The following CSRNP3 variants were observed in gnomAD, a reference collection of about 807,000 sequenced individuals.
CSRNP3 encodes the protein cysteine and serine rich nuclear protein 3, also known as cysteine/serine-rich nuclear protein 3.
CSRNP3 carries 12 observed loss-of-function variants against 48.0 expected under a neutral mutation model. The ratio of observed to expected loss-of-function variants is 0.25; its 90% CI spans 0.16 to 0.41. CSRNP3 has a LOEUF of 0.41. Among genes scored for constraint, CSRNP3 ranks in the 10% least tolerant of loss-of-function variants. The pLI, the probability that CSRNP3 is intolerant of heterozygous loss-of-function variation, is 1.00. For synonymous variants in CSRNP3, 263 were observed against 269.7 expected, an observed-to-expected ratio of 0.98 and a Z score of 0.24; for missense variants, 580 against 724.4, an observed-to-expected ratio of 0.80 and a Z score of 2.29.
rs1181818537 is a variant in CSRNP3 at position 165,664,801 on chromosome 2, G to A, written c.408+6781G>A. Among the ~76,000 whole-genome samples, 7 of 151,390 alleles carry A rather than the reference G, an allele frequency of 4.6e-5. No homozygotes were observed. In the South Asian group the frequency reaches 1.0e-3, roughly 23 times the overall value. ...AAGGATATAGTGGCTTTTGGACTGT[G>A]ATCAATTTTTTTTTGTTCTTAGTAA... On this transcript the variant is annotated intron_variant, in intron 5 of 6. Transcript: ENST00000651982.
Position 165,551,249 on chromosome 2 carries a change from A to G in CSRNP3, c.-24+33288A>G, listed in dbSNP as rs1685092248. On this transcript the variant is annotated intron_variant, in intron 3 of 6. Transcript: ENST00000651982. ...TGACATACTGTCACGTGTTCTCCCA[A>G]CCCCAATATGAGCTCTATAAAACAA... Among the ~76,000 whole-genome samples, 4 of 152,106 alleles carry G rather than the reference A, an allele frequency of 2.6e-5. No individual in the cohort carries two copies. In the South Asian group the frequency reaches 8.3e-4, roughly 32 times the overall value.
intron 3 of CSRNP3, among the ~76,000 whole-genome samples, chr2:165,549,519 C>T (rs892862191): frequency 6.6e-6 from 1 of 152,032 alleles, no homozygotes; most frequent in Admixed American, 6.6e-5. Context: ...TTACCCAACC[C>T]TATTTAAGCC....
chr2:165,609,710 T>C (rs1287280390), intron 4 of CSRNP3, among the ~76,000 whole-genome samples: 1 of 152,196 alleles, frequency 6.6e-6, no homozygotes, highest in Non-Finnish European at 1.5e-5. Context: ...GTACATTTTA[T>C]TAATAGTTAT....
At chr2:165,556,254 A>C (rs1685159046) in intron 3 of CSRNP3, among the ~76,000 whole-genome samples, 1 of 152,162 alleles carries the variant, frequency 6.6e-6, no homozygotes, top group Admixed American at 6.6e-5. Flanking sequence ...GTGTTATTGG[A>C]CTAAGATAGG....
chr2:165,496,436 A>G (rs1179614399), intron 2 of CSRNP3, among the ~76,000 whole-genome samples: 1 of 152,070 alleles, frequency 6.6e-6, no homozygotes, highest in African/African-American at 2.4e-5. Flanking sequence ...CTAGAAGAGT[A>G]CTGAGCACTG....
chr2:165,612,175 GCCAA>G (rs575551066), intron 4 of CSRNP3, among the ~76,000 whole-genome samples: 87 of 152,094 alleles, frequency 5.7e-4, no homozygotes, highest in African/African-American at 2.0e-3. Context: ...ATTCTTGGAA[GCCAA>G]TTAATTCTCT....
rs1168351559 is a variant in CSRNP3, at chr2:165,668,738, CT to C, written c.409-7572del. On this transcript the variant is annotated intron_variant, in intron 5 of 6. Coordinates refer to ENST00000651982, the MANE Select transcript of CSRNP3 (RefSeq NM_001172173.2). ...TCTGAGTGAGCTATTTCTAGGGAAG[CT>C]TATTCTGCTCTTTTATCTCTTGCCC... Among the ~76,000 whole-genome samples, 5 of 152,204 alleles carry C rather than the reference CT, an allele frequency of 3.3e-5. No individual in the cohort carries two copies. In the South Asian group the frequency reaches 8.3e-4, roughly 25 times the overall value.
chr2:165,625,399 G>A lies in CSRNP3; in HGVS notation c.148+30186G>A, dbSNP rs574088341. Among the ~76,000 whole-genome samples the A allele has an allele frequency of 4.0e-4, 61 of 151,808 alleles. 1 individual carries two copies. The South Asian group carries it at 0.011, about 29-fold the overall frequency. ...CCCAGCACTTTGGGAGGCCAAGGTG[G>A]GTGGATCATCTGAGGTCAGGAGTTC... On this transcript the variant is annotated intron_variant, in intron 4 of 6. Coordinates refer to ENST00000651982, the MANE Select transcript of CSRNP3 (RefSeq NM_001172173.2).
intron 4 of CSRNP3, among the ~76,000 whole-genome samples, chr2:165,606,814 T>G (rs1359048974): frequency 6.6e-6 from 1 of 152,110 alleles, no homozygotes; most frequent in East Asian, 1.9e-4. Flanking sequence ...TTTATGTAAT[T>G]AAAACACACA....
chr2:165,642,615 T>C (rs576625711), intron 4 of CSRNP3, among the ~76,000 whole-genome samples: 1 of 151,284 alleles, frequency 6.6e-6, no homozygotes, highest in African/African-American at 2.4e-5. Context: ...CAGGCTGGAG[T>C]GCAATGGTGT....
chr2:165,677,896 G>A (rs532445725), intron 6 of CSRNP3, among the ~76,000 whole-genome samples: 3 of 152,128 alleles, frequency 2.0e-5, no homozygotes, highest in Admixed American at 1.3e-4. Context: ...CTCTATCTTC[G>A]GTATCCAATC....
chr2:165,595,080 A>C lies in CSRNP3; in HGVS notation c.15A>C (p.Leu5Phe). 6.2e-7 allele frequency: 1 copy of C among 1,614,070 alleles called. No individual in the cohort carries two copies. The highest frequency in any genetic ancestry group is 1.1e-5 in the South Asian group (1 of 91,070). The change falls in exon 4 of 7, where the codon TTA (leucine) becomes TTC (phenylalanine). Residue 5 changes from leucine (L) to phenylalanine (F), a missense_variant. Physicochemically the swap from Leu to Phe is conservative, Grantham distance 22 (BLOSUM62 0). Around this residue, in one of 4 missense-constraint regions of CSRNP3, gnomAD observed 83 missense variants for 139.6 expected, o/e 0.59. Transcript: ENST00000651982. MSGILKRKFEEVDGS... is the reference protein window; with the variant it reads MSGIFKRKFEEVDGS... ...GCACTGCAGCGATGAGTGGAATTTT[A>C]AAGAGGAAGTTTGAAGAAGTTGACG...
chr2:165,614,715 G>A (rs548038078), intron 4 of CSRNP3, among the ~76,000 whole-genome samples: 1 of 152,186 alleles, frequency 6.6e-6, no homozygotes, highest in South Asian at 2.1e-4. Context: ...TTTTGTTGAT[G>A]AGTTGTAACA....
chr2:165,504,460 G>A (rs933523591), intron 2 of CSRNP3, among the ~76,000 whole-genome samples: 6 of 151,972 alleles, frequency 3.9e-5, no homozygotes, highest in East Asian at 1.9e-4. Context: ...ACTTAAAACC[G>A]GCTCAAACTC....
intron 5 of CSRNP3, among the ~76,000 whole-genome samples, chr2:165,666,327 G>A (rs1424230538): frequency 9.3e-6 from 1 of 107,416 alleles, no homozygotes; most frequent in Non-Finnish European, 1.9e-5. Context: ...AGGGAGAGAG[G>A]AAGAAAGAAA....
chr2:165,672,777 A>G (rs1021408885), intron 5 of CSRNP3, among the ~76,000 whole-genome samples: 2 of 152,210 alleles, frequency 1.3e-5, no homozygotes, highest in Admixed American at 6.5e-5. Context: ...GAAATAATCT[A>G]TGTAGTGCTC....
At chr2:165,622,309 A>C (rs552049730) in intron 4 of CSRNP3, among the ~76,000 whole-genome samples, 1 of 152,286 alleles carries the variant, frequency 6.6e-6, no homozygotes, top group South Asian at 2.1e-4. Context: ...TTCTTGATAT[A>C]TACATTTTTG....
intron 2 of CSRNP3, among the ~76,000 whole-genome samples, chr2:165,513,201 C>T (rs934709269): frequency 6.6e-6 from 1 of 152,148 alleles, no homozygotes; most frequent in Non-Finnish European, 1.5e-5. Context: ...GGAAACTGTC[C>T]TTCAGAGTAA....
intron 3 of CSRNP3, among the ~76,000 whole-genome samples, chr2:165,541,746 T>A (rs1371390364): frequency 6.6e-6 from 1 of 152,122 alleles, no homozygotes; most frequent in Non-Finnish European, 1.5e-5. Flanking sequence ...GGTGTCAAGA[T>A]CTGAGCAGTT....
Sources: allele counts gnomAD v4.1 joint callset (sites outside exome capture counted in the v4.1 genomes callset), GRCh38; gene constraint gnomAD v4.1.1; regional missense constraint gnomAD v4.1.1; transcripts MANE v1.5; gene names NCBI Gene and HGNC (gene_info 2026-07-23, HGNC 2026-07-21).